The following TMEM260 variants were observed in gnomAD, a reference collection of about 807,000 sequenced individuals.
The protein encoded by TMEM260 is transmembrane protein 260.
A neutral mutation model predicts 88.9 loss-of-function variants in TMEM260; 82 were observed. The observed-to-expected ratio is 0.92, with a 90% CI of 0.77 to 1.11. The LOEUF is 1.11. Ranked by LOEUF, TMEM260 falls within the 50% of genes least tolerant of loss-of-function variation. TMEM260 has a pLI of 0.00. For missense variants in TMEM260, 902 were observed against 853.4 expected, an observed-to-expected ratio of 1.06 and a Z score of -0.71; for synonymous variants, 314 against 309.3, an observed-to-expected ratio of 1.02 and a Z score of -0.16.
intron 8 of TMEM260, 168 bp downstream of exon 8, chr14:56,616,195 C>G: frequency 1.9e-6 from 1 of 518,832 alleles, no homozygotes; most frequent in Non-Finnish European, 3.4e-6. Flanking sequence ...TATTCTGATT[C>G]TAAATAAATC....
intron 1 of TMEM260, among the ~76,000 whole-genome samples, chr14:56,581,609 C>T (rs1885139248): frequency 6.6e-6 from 1 of 152,176 alleles, no homozygotes; most frequent in African/African-American, 2.4e-5. Context: ...TAATAACTGA[C>T]GTTTGTTGGG....
At chr14:56,605,416 G>A (rs574500644) in intron 4 of TMEM260, among the ~76,000 whole-genome samples, 154 bp from the exon 5 acceptor site, 1 of 152,200 alleles carries the variant, frequency 6.6e-6, no homozygotes, top group South Asian at 2.1e-4. Flanking sequence ...TAACAAATAT[G>A]AATGATTATT....
the TMEM260 span, among the ~76,000 whole-genome samples, chr14:56,656,980 C>T: frequency 6.6e-6 from 1 of 152,150 alleles, no homozygotes; most frequent in African/African-American, 2.4e-5. Flanking sequence ...CTGGTTTCCC[C>T]AAACCATGGC....
chr14:56,644,216 A>G (rs1889801574), intron 15 of TMEM260, among the ~76,000 whole-genome samples: 1 of 152,236 alleles, frequency 6.6e-6, no homozygotes, highest in Admixed American at 6.5e-5. Context: ...CTAAGCCAAA[A>G]GAACAAAGCT....
the TMEM260 span, among the ~76,000 whole-genome samples, chr14:56,657,454 G>T: frequency 7.1e-6 from 1 of 140,702 alleles, no homozygotes; most frequent in East Asian, 2.2e-4. Flanking sequence ...ATTCACTTAC[G>T]TTTACTACAT....
chr14:56,618,250 A>C (rs1887704943), intron 9 of TMEM260, among the ~76,000 whole-genome samples: 1 of 152,238 alleles, frequency 6.6e-6, no homozygotes, highest in Admixed American at 6.5e-5. Flanking sequence ...AGGCCAGGAC[A>C]GTGGAGCTTC....
chr14:56,625,174 T>TG (rs1233494568), intron 11 of TMEM260, among the ~76,000 whole-genome samples: 1 of 152,164 alleles, frequency 6.6e-6, no homozygotes, highest in African/African-American at 2.4e-5. Flanking sequence ...AAGGTACTGA[T>TG]GTGACTGATG....
At chr14:56,608,134 T>C (rs1887029830) in intron 5 of TMEM260, among the ~76,000 whole-genome samples, 1 of 152,222 alleles carries the variant, frequency 6.6e-6, no homozygotes, top group Admixed American at 6.5e-5. Flanking sequence ...AGTACTGTAA[T>C]AAAACACTTC....
chr14:56,645,747 C>T (rs532774929), intron 15 of TMEM260, among the ~76,000 whole-genome samples: 2 of 152,168 alleles, frequency 1.3e-5, no homozygotes, highest in South Asian at 4.2e-4. Flanking sequence ...TTCCTGAATG[C>T]CTGCTTTGTG....
chr14:56,596,794 A>AATAT lies in TMEM260; in HGVS notation c.345-7011_345-7008dup, dbSNP rs1555334867. ...AAAAAAAAAAAAAATTAAAAAAAAA[A>AATAT]ATATATATATATACACACACACACC... On this transcript the variant is annotated intron_variant, in intron 3 of 15. Coordinates refer to ENST00000261556, the MANE Select transcript of TMEM260 (RefSeq NM_017799.4). Among the ~76,000 whole-genome samples, 430 of 136,292 alleles carry AATAT rather than the reference A, an allele frequency of 3.2e-3. 3 individuals carry two copies. Among genetic ancestry groups the AATAT allele is most frequent in the African/African-American group, 0.012 (413 of 35,910 alleles). The allele number at this position is 136,292 out of a possible 152,430, so 89.4% of individuals were successfully genotyped here.
chr14:56,585,683 G>A (rs1885448151), intron 2 of TMEM260, 78 bp from the exon 3 acceptor site: 1 of 1,383,148 alleles, frequency 7.2e-7, no homozygotes, highest in South Asian at 1.4e-5. Flanking sequence ...TGAGAAAAGG[G>A]CTACTTTTCA....
intron 3 of TMEM260, among the ~76,000 whole-genome samples, chr14:56,590,683 G>C (rs1298779395): frequency 2.0e-5 from 3 of 152,226 alleles, no homozygotes; most frequent in African/African-American, 7.2e-5. Context: ...CAGATAGCTT[G>C]AAATATATAA....
chr14:56,644,153 G>A (rs867555555), intron 15 of TMEM260, among the ~76,000 whole-genome samples: 1 of 152,020 alleles, frequency 6.6e-6, no homozygotes, highest in Non-Finnish European at 1.5e-5. Flanking sequence ...TTGGAAAAAA[G>A]TACTTTAAAG....
chr14:56,601,682 G>A (rs1031688563), intron 3 of TMEM260, among the ~76,000 whole-genome samples: 59 of 152,126 alleles, frequency 3.9e-4, no homozygotes, highest in African/African-American at 1.3e-3. Flanking sequence ...CTATGGAAAG[G>A]CCAATGATGT....
intron 1 of TMEM260, among the ~76,000 whole-genome samples, chr14:56,581,145 CCT>C (rs1181474459): frequency 1.3e-5 from 2 of 152,216 alleles, no homozygotes; most frequent in Non-Finnish European, 2.9e-5. Context: ...ATGAAGGACA[CCT>C]CTCTGTCTGA....
At chr14:56,644,811 C>A (rs1889844339) in intron 15 of TMEM260, among the ~76,000 whole-genome samples, 1 of 152,002 alleles carries the variant, frequency 6.6e-6, no homozygotes. Context: ...AGAAAAAAAA[C>A]AACCCCATCA....
chr14:56,601,800 G>T (rs941171420), intron 3 of TMEM260, among the ~76,000 whole-genome samples: 1 of 151,980 alleles, frequency 6.6e-6, no homozygotes, highest in African/African-American at 2.4e-5. Flanking sequence ...TCCCAGATTT[G>T]CCCAGTGGGA....
intron 3 of TMEM260, among the ~76,000 whole-genome samples, chr14:56,587,122 T>A (rs1485167230): frequency 6.6e-6 from 1 of 151,870 alleles, no homozygotes; most frequent in Non-Finnish European, 1.5e-5. Context: ...AAAAGTGTTT[T>A]TTGTTTTTAA....
In TMEM260 at chr14:56,634,916, G is replaced by C; in HGVS notation, c.1742G>C (p.Trp581Ser). 1 of 1,613,844 alleles carries C rather than the reference G, an allele frequency of 6.2e-7. No individual in the cohort carries two copies. ...AACTACAGGTTTGATCCATCTTCTT[G>C]GGAATCTGTGGCCAATGAAGAAATG... ...EEYGRFDPSS[W>S]ESVANEEMWQ... Residue 581 changes from tryptophan (W) to serine (S), a missense_variant, in exon 14 of 16, where the codon TGG becomes TCG. Physicochemically the swap from Trp to Ser is radical, Grantham distance 177. Coordinates refer to ENST00000261556, the MANE Select transcript of TMEM260 (RefSeq NM_017799.4).
Sources: gnomAD v4.1 joint callset for allele counts (sites outside exome capture counted in the v4.1 genomes callset) on GRCh38, gnomAD v4.1.1 for gene constraint, MANE v1.5 for transcripts, NCBI Gene and HGNC (gene_info 2026-07-23, HGNC 2026-07-21) for gene names.